CMSS1: variants seen among roughly 807,000 people sequenced by gnomAD.
CMSS1 encodes the protein protein CMSS1.
A neutral mutation model predicts 43.5 loss-of-function variants in CMSS1; 33 were observed. The observed-to-expected ratio is 0.76, with a 90% confidence interval of 0.57 to 1.01. CMSS1 has a LOEUF of 1.01. CMSS1 is among the 50% of genes least tolerant of loss of function. The probability of loss-of-function intolerance (pLI) is 0.00; values close to 1 mark genes in which losing one functional copy is unlikely to be tolerated. For synonymous variants in CMSS1, 115 were observed against 117.2 expected (o/e 0.98, Z 0.12); for missense variants, 313 against 326.4 (o/e 0.96, Z 0.32).
chr3:100,107,909 G>T (rs1262398637), intron 1 of CMSS1, among the ~76,000 whole-genome samples: 1 of 151,660 alleles, frequency 6.6e-6, no homozygotes, highest in Non-Finnish European at 1.5e-5. Flanking sequence ...ACTTGCTTAG[G>T]GCCAGAGAAT....
At chr3:100,150,958 C>T (rs1013637399) in intron 2 of CMSS1, among the ~76,000 whole-genome samples, 1 of 152,168 alleles carries the variant, frequency 6.6e-6, no homozygotes, top group Non-Finnish European at 1.5e-5. Flanking sequence ...TGCTCAGAGA[C>T]CACAGTGGAC....
intron 1 of CMSS1, among the ~76,000 whole-genome samples, chr3:99,911,683 G>C (rs1688782): frequency 0.31 from 46,456 of 151,952 alleles, 7,264 homozygotes; most frequent in Admixed American, 0.36. Flanking sequence ...CTTCACATTC[G>C]CTCCCTGCAG....
intron 1 of CMSS1, among the ~76,000 whole-genome samples, chr3:99,896,780 C>T (rs1196717140): frequency 2.6e-5 from 4 of 152,240 alleles, no homozygotes; most frequent in South Asian, 2.1e-4. Context: ...TAGGGTTTAA[C>T]GGTTTTTGTT....
At chr3:99,852,913 A>G (rs2107533520) in intron 1 of CMSS1, among the ~76,000 whole-genome samples, 1 of 152,278 alleles carries the variant, frequency 6.6e-6, no homozygotes, top group Non-Finnish European at 1.5e-5. Flanking sequence ...GTGGGAGTCC[A>G]CTTTTAGTTT....
At chr3:99,952,380 C>T (rs148340924) in intron 1 of CMSS1, among the ~76,000 whole-genome samples, 303 of 152,226 alleles carry the variant, frequency 2.0e-3, no homozygotes, top group African/African-American at 6.8e-3. Context: ...TTCTGCCAGT[C>T]ATTATGTCTG....
chr3:99,979,765 T>C (rs1458354989), intron 1 of CMSS1, among the ~76,000 whole-genome samples: 1 of 152,178 alleles, frequency 6.6e-6, no homozygotes. Flanking sequence ...ATTGTAAGGA[T>C]ATAAAGAGGA....
At chr3:99,905,403 T>G (rs571375562) in intron 1 of CMSS1, among the ~76,000 whole-genome samples, 2 of 152,358 alleles carry the variant, frequency 1.3e-5, no homozygotes, top group African/African-American at 4.8e-5. Flanking sequence ...CTAATTGCTC[T>G]TACTAGGACT....
intron 1 of CMSS1, among the ~76,000 whole-genome samples, chr3:100,144,762 C>T (rs1325693617): frequency 6.6e-6 from 1 of 152,118 alleles, no homozygotes; most frequent in Non-Finnish European, 1.5e-5. Flanking sequence ...TTTGTTGGGG[C>T]TTTTTTGGTT....
chr3:100,041,616 A>C (rs138460730), intron 1 of CMSS1, among the ~76,000 whole-genome samples: 21 of 152,344 alleles, frequency 1.4e-4, no homozygotes, highest in African/African-American at 4.8e-4. Context: ...AATTACAGGA[A>C]AGATGATTCA....
At chr3:100,091,426 G>A (rs1033012893) in intron 1 of CMSS1, among the ~76,000 whole-genome samples, 11 of 152,186 alleles carry the variant, frequency 7.2e-5, no homozygotes, top group African/African-American at 2.7e-4. Flanking sequence ...AAAGACTCAT[G>A]TTTTGTAAGG....
intron 1 of CMSS1, among the ~76,000 whole-genome samples, chr3:99,824,334 A>G (rs1265210800): frequency 6.6e-6 from 1 of 152,166 alleles, no homozygotes; most frequent in African/African-American, 2.4e-5. Flanking sequence ...CATTATCACA[A>G]TATCTATTAA....
intron 1 of CMSS1, among the ~76,000 whole-genome samples, chr3:100,143,543 A>G (rs576771768): frequency 5.2e-4 from 79 of 152,048 alleles, no homozygotes; most frequent in African/African-American, 1.8e-3. Context: ...GGATTCTTCT[A>G]CAAATGTTGA....
intron 1 of CMSS1, among the ~76,000 whole-genome samples, chr3:100,008,650 T>C (rs374367095): frequency 6.6e-6 from 1 of 152,234 alleles, no homozygotes; most frequent in East Asian, 1.9e-4. Context: ...ATTAAGTAAT[T>C]ATAAGTCTAT....
chr3:100,110,539 C>T (rs2107475811), intron 1 of CMSS1, among the ~76,000 whole-genome samples: 1 of 152,194 alleles, frequency 6.6e-6, no homozygotes, highest in South Asian at 2.1e-4. Flanking sequence ...GGAATTACAA[C>T]AAACTTTAAA....
chr3:100,115,575 GTCTCTCTCTCTCTCTCTCTCTC>G (rs66793218), intron 1 of CMSS1, among the ~76,000 whole-genome samples: 28,976 of 98,370 alleles, frequency 0.29, 2,732 homozygotes, highest in South Asian at 0.45. Flanking sequence ...CTCTCTCTCT[GTCTCTCTCTCTCTCTCTCTCTC>G]TCTCTCTCTC....
rs893721618 is a variant in CMSS1 at position 99,918,349 on chromosome 3, A to G, written c.64+100306A>G. ...CAAAAGTTATACATAGCTGCAGATC[A>G]GGTCTGCAGACCAGACTGCCACTAT... On this transcript the variant is annotated intron_variant, in intron 1 of 9. Coordinates refer to ENST00000421999, the MANE Select transcript of CMSS1 (RefSeq NM_032359.4). Among the ~76,000 whole-genome samples, 4 of 152,330 alleles carry G rather than the reference A, an allele frequency of 2.6e-5. 1 individual carries two copies. The highest frequency in any genetic ancestry group is 2.6e-4 in the Admixed American group (4 of 15,306).
rs1258804188 is a variant in CMSS1, at chr3:100,066,674, G to A, written c.65-80299G>A. Among the ~76,000 whole-genome samples the A allele has an allele frequency of 1.5e-5, 2 of 131,406 alleles. 1 individual carries two copies. The highest frequency in any genetic ancestry group is 3.4e-5 in the Non-Finnish European group (2 of 59,586). 86.2% of individuals were successfully genotyped at this position (131,406 alleles called of 152,430 possible). On this transcript the variant is annotated intron_variant, in intron 1 of 9. Transcript: ENST00000421999. ...AGCCTCCCAAGTAGCTGGGACTACAGGCGCCCGCCACTACGCCCGGCTAAT... is the reference window on the plus strand; with the variant it reads ...AGCCTCCCAAGTAGCTGGGACTACAAGCGCCCGCCACTACGCCCGGCTAAT...
intron 1 of CMSS1, among the ~76,000 whole-genome samples, chr3:99,949,527 A>G (rs1366749836): frequency 6.6e-6 from 1 of 152,190 alleles, no homozygotes; most frequent in African/African-American, 2.4e-5. Context: ...AGTACGTTTT[A>G]TCAGTTGAAA....
intron 1 of CMSS1, among the ~76,000 whole-genome samples, chr3:100,052,625 G>T (rs2065393347): frequency 6.6e-6 from 1 of 152,186 alleles, no homozygotes; most frequent in South Asian, 2.1e-4. Flanking sequence ...GATAGCTCAG[G>T]AGCAAGTATT....
Sources: gnomAD v4.1 joint callset for allele counts (sites outside exome capture counted in the v4.1 genomes callset) on GRCh38, gnomAD v4.1.1 for gene constraint, MANE v1.5 for transcripts, NCBI Gene and HGNC (gene_info 2026-07-23, HGNC 2026-07-21) for gene names.